The following SPRTN variants were observed in gnomAD, a reference collection of about 807,000 sequenced individuals.
SPRTN encodes SprT-like N-terminal domain.
A neutral mutation model predicts 31.9 loss-of-function variants in SPRTN; 11 were observed. The observed-to-expected ratio is 0.34, with a 90% CI of 0.22 to 0.57. The LOEUF is 0.57. SPRTN is among the 20% of genes least tolerant of loss of function. The probability of loss-of-function intolerance (pLI) is 0.86; values close to 1 mark genes in which losing one functional copy is unlikely to be tolerated. For missense variants in SPRTN, 482 were observed against 590.1 expected (o/e 0.82, Z 1.90); for synonymous variants, 185 against 212.1 (o/e 0.87, Z 1.11).
rs747733787 is a variant in SPRTN at position 231,353,167 on chromosome 1, C to A, written c.1276C>A (p.Gln426Lys). The A allele has an allele frequency of 8.1e-6, 13 of 1,611,446 alleles. No homozygotes were observed. In the Admixed American group the frequency reaches 2.2e-4, roughly 27 times the overall value. The stretch of plus-strand genomic sequence containing the variant: ...TGACAATTTTTTTATCAAGAAAGAG[C>A]AAATAAAAAGCAGTGGTAATGATCC... ...VFDNFFIKKEQIKSSGNDPKY... is the reference protein window; with the variant it reads ...VFDNFFIKKEKIKSSGNDPKY... Residue 426 changes from glutamine to lysine, a missense_variant, in exon 5 of 5, where the codon CAA (glutamine) becomes AAA (lysine). By Grantham distance (53) the Gln-to-Lys change is moderately conservative. Around this residue, in one of 2 missense-constraint regions of SPRTN, gnomAD observed 325 missense variants for 350.2 expected, o/e 0.93. Transcript: ENST00000295050.
At chr1:231,344,994 A>G (rs1687010722) in intron 2 of SPRTN, among the ~76,000 whole-genome samples, 1 of 151,436 alleles carries the variant, frequency 6.6e-6, no homozygotes, top group African/African-American at 2.4e-5. Flanking sequence ...GTTTCTTTTC[A>G]TTTTTCTGTT....
chr1:231,352,302 C>T, intron 4 of SPRTN: 1 of 1,059,816 alleles, frequency 9.4e-7, no homozygotes, highest in Non-Finnish European at 1.1e-6. Flanking sequence ...ATTTTCCCTC[C>T]TGGAATTACA....
chr1:231,349,369 T>C (rs969304735), intron 3 of SPRTN, among the ~76,000 whole-genome samples: 1 of 152,222 alleles, frequency 6.6e-6, no homozygotes, highest in Non-Finnish European at 1.5e-5. Flanking sequence ...ATTAGGAAAG[T>C]GTCTTGCAGT....
intron 4 of SPRTN, chr1:231,351,935 G>T (rs1687251541): frequency 6.9e-6 from 7 of 1,013,254 alleles, no homozygotes; most frequent in Non-Finnish European, 8.3e-6. Context: ...CAAAAAGATT[G>T]TCAAAATAAA....
intron 3 of SPRTN, 92 bp from the exon 4 acceptor site, chr1:231,351,205 TAAAAAAA>T (rs35814914): frequency 8.2e-5 from 80 of 973,210 alleles, no homozygotes; most frequent in East Asian, 2.9e-4. Context: ...TTTCAAAAAT[TAAAAAAA>T]AAAAAAAAAA....
chr1:231,343,239 A>G (rs1686954193), intron 2 of SPRTN, among the ~76,000 whole-genome samples: 1 of 151,858 alleles, frequency 6.6e-6, no homozygotes, highest in South Asian at 2.1e-4. Flanking sequence ...AGGTATATAT[A>G]CTCTATAGCC....
At chr1:231,349,455 C>T (rs1192709592) in intron 3 of SPRTN, among the ~76,000 whole-genome samples, 2 of 152,192 alleles carry the variant, frequency 1.3e-5, no homozygotes, top group African/African-American at 4.8e-5. Context: ...CATTAAGTTT[C>T]TTAACCAGAA....
In SPRTN at chr1:231,353,851, ATTAT is replaced by A. The variant is rs1687315193; in HGVS notation, c.*496_*499del. 5.2e-6 allele frequency: 5 copies of A among 953,862 alleles called. No homozygotes were observed. Among genetic ancestry groups the A allele is most frequent in the Admixed American group, 6.2e-5 (1 of 16,234 alleles). The allele number at this position is 953,862 out of a possible 1,614,324, so 59.1% of individuals were successfully genotyped here. A position where few individuals can be genotyped will look rare whatever the true frequency, so the allele number is the denominator to read the frequency against. The stretch of plus-strand genomic sequence containing the variant: ...TATTGTTTTAGAGTACTCAAATTGT[ATTAT>A]TTATTAATTTTTTTGTTTGCAAAAT... On this transcript the variant is annotated 3_prime_UTR_variant, in exon 5 of 5. Transcript: ENST00000295050.
At chr1:231,344,133 G>A (rs1184661262) in intron 2 of SPRTN, among the ~76,000 whole-genome samples, 5 of 152,176 alleles carry the variant, frequency 3.3e-5, no homozygotes, top group Non-Finnish European at 5.9e-5. Context: ...TCCTTTATGA[G>A]AATAGATCTT....
chr1:231,348,508 A>G (rs1383438511), intron 3 of SPRTN, among the ~76,000 whole-genome samples: 1 of 152,160 alleles, frequency 6.6e-6, no homozygotes, highest in Non-Finnish European at 1.5e-5. Flanking sequence ...ACATCAAAAC[A>G]TTTTAGCCCA....
chr1:231,346,589 A>G (rs936430005), intron 2 of SPRTN, among the ~76,000 whole-genome samples: 3 of 152,096 alleles, frequency 2.0e-5, no homozygotes, highest in Admixed American at 6.5e-5. Flanking sequence ...GCCTGTGATA[A>G]GAGTTATACA....
intron 4 of SPRTN, chr1:231,352,088 A>T: frequency 1.0e-6 from 1 of 989,598 alleles, no homozygotes; most frequent in Non-Finnish European, 1.2e-6. Flanking sequence ...ATTTGCCAGT[A>T]CTTCATCTTC....
In SPRTN at chr1:231,338,621, G is replaced by A; in HGVS notation, c.221+17G>A. ...AATGACCCTGTGAGTTCCGAGCCCC[G>A]CTGGGGAAAGAGGCGGGACTGGCAG... On this transcript the variant is annotated intron_variant, in intron 1 of 4. Coordinates refer to ENST00000295050, the MANE Select transcript of SPRTN (RefSeq NM_032018.7). 15 of 1,613,318 alleles carry A rather than the reference G, an allele frequency of 9.3e-6. No individual in the cohort carries two copies. The highest frequency in any genetic ancestry group is 1.3e-5 in the Non-Finnish European group (15 of 1,179,334).
chr1:231,353,930 C>A lies in SPRTN; in HGVS notation c.*569C>A, dbSNP rs1469195373. The A allele has an allele frequency of 2.1e-6, 2 of 939,796 alleles. No individual in the cohort carries two copies. Among genetic ancestry groups the A allele is most frequent in the Admixed American group, 6.2e-5 (1 of 16,192 alleles). The allele number at this position is 939,796 out of a possible 1,614,324, so 58.2% of individuals were successfully genotyped here. A position where few individuals can be genotyped will look rare whatever the true frequency, so the allele number is the denominator to read the frequency against. On this transcript the variant is annotated 3_prime_UTR_variant, in exon 5 of 5. Coordinates refer to ENST00000295050, the MANE Select transcript of SPRTN (RefSeq NM_032018.7). ...ATTTTAAAGAATTTTATTTGTCCCA[C>A]TTTTACTAAACAGTGGCAGCAGATT... is the stretch of plus-strand genomic sequence containing the variant.
Position 231,353,474 on chromosome 1 carries a change from T to A in SPRTN, c.*113T>A. On this transcript the variant is annotated 3_prime_UTR_variant, in exon 5 of 5. Transcript: ENST00000295050. ...TTTGTAGGTTATAATCTAGTTCACA[T>A]AACCAATAGAAAGTGTCCTATTTTA... The A allele has an allele frequency of 7.0e-7, 1 of 1,435,154 alleles. No homozygotes were observed. The highest frequency in any genetic ancestry group is 9.1e-7 in the Non-Finnish European group (1 of 1,102,470). The allele number at this position is 1,435,154 out of a possible 1,614,324, so 88.9% of individuals were successfully genotyped here.
rs1403799775 is a variant in SPRTN at position 231,354,620 on chromosome 1, A to C, written c.*1259A>C. ...CCCCATCGTCGCAGATTATTTTTTA[A>C]TTTTATAATGTAGTATCTTTGTTCC... On this transcript the variant is annotated 3_prime_UTR_variant, in exon 5 of 5. Transcript: ENST00000295050. 6.5e-6 allele frequency: 1 copy of C among 154,260 alleles called. No homozygotes were observed. Among genetic ancestry groups the C allele is most frequent in the African/African-American group, 2.4e-5 (1 of 41,470 alleles). The allele number at this position is 154,260 out of a possible 1,614,324, so 9.6% of individuals were successfully genotyped here. A position where few individuals can be genotyped will look rare whatever the true frequency, so the allele number is the denominator to read the frequency against.
chr1:231,350,119 C>A (rs1261575999), intron 3 of SPRTN, among the ~76,000 whole-genome samples: 3 of 152,172 alleles, frequency 2.0e-5, no homozygotes, highest in Non-Finnish European at 4.4e-5. Flanking sequence ...TGCCTTAAAA[C>A]CTATGTCCTT....
chr1:231,346,784 A>G (rs1687075707), intron 2 of SPRTN, among the ~76,000 whole-genome samples: 1 of 152,108 alleles, frequency 6.6e-6, no homozygotes, highest in Non-Finnish European at 1.5e-5. Context: ...CTCTACTAAA[A>G]TACAAAAATT....
In SPRTN at chr1:231,351,480, C is replaced by T; in HGVS notation, c.627C>T (p.Tyr209=). Reference sequence around the variant, plus strand: ...ACCAGAAAACCTGTGGAGGCACTTACATAAAAATCAAGGAACCAGAGAATT... The same window carrying T: ...ACCAGAAAACCTGTGGAGGCACTTATATAAAAATCAAGGAACCAGAGAATT... ...AEHQKTCGGT[Y]IKIKEPENYS... Residue 209 remains tyrosine (Y), a synonymous_variant, in exon 4 of 5, where the codon TAC becomes TAT. Coordinates refer to ENST00000295050, the MANE Select transcript of SPRTN (RefSeq NM_032018.7). 4 of 1,613,996 alleles carry T rather than the reference C, an allele frequency of 2.5e-6. No individual in the cohort carries two copies. Among genetic ancestry groups the T allele is most frequent in the Non-Finnish European group, 2.5e-6 (3 of 1,179,988 alleles).
Sources: gnomAD v4.1 joint callset for allele counts (sites outside exome capture counted in the v4.1 genomes callset) on GRCh38, gnomAD v4.1.1 for gene constraint, gnomAD v4.1.1 regional missense constraint, MANE v1.5 for transcripts, NCBI Gene and HGNC (gene_info 2026-07-23, HGNC 2026-07-21) for gene names.